Variants in SCP2 observed in about 807,000 individuals in gnomAD.
The protein encoded by SCP2 is sterol carrier protein 2.
SCP2 carries 48 observed loss-of-function variants against 71.4 expected under a neutral mutation model. That is an observed-to-expected ratio of 0.67 (90% confidence interval 0.53 to 0.86). SCP2 has a LOEUF of 0.86. Ranked by LOEUF, SCP2 falls within the 40% of genes least tolerant of loss-of-function variation. The pLI is 0.00. For synonymous variants in SCP2, 220 were observed against 218.1 expected (o/e 1.01, Z -0.08); for missense variants, 560 against 655.6 (o/e 0.85, Z 1.59).
intron 1 of SCP2, chr1:52,928,752 C>T (rs534225233): frequency 6.5e-6 from 1 of 154,322 alleles, no homozygotes; most frequent in Non-Finnish European, 1.5e-5. Flanking sequence ...CAGCCTGGGC[C>T]ATAGAGTCAG....
At chr1:53,017,263 G>A (rs1661399642) in intron 12 of SCP2, among the ~76,000 whole-genome samples, 1 of 152,030 alleles carries the variant, frequency 6.6e-6, no homozygotes, top group African/African-American at 2.4e-5. Context: ...ATTTCCACAA[G>A]TTTTGATAAA....
intron 14 of SCP2, among the ~76,000 whole-genome samples, chr1:53,046,046 C>T (rs1189299859): frequency 1.3e-5 from 2 of 152,174 alleles, no homozygotes; most frequent in Non-Finnish European, 2.9e-5. Flanking sequence ...AATGGTTACC[C>T]CTTCACCAGT....
chr1:53,016,724 G>A (rs938211860), intron 12 of SCP2, among the ~76,000 whole-genome samples: 2 of 152,150 alleles, frequency 1.3e-5, no homozygotes, highest in African/African-American at 4.8e-5. Context: ...GTGTGCCTGG[G>A]TAGAGGGACA....
chr1:53,048,220 A>G, intron 15 of SCP2: 1 of 395,892 alleles, frequency 2.5e-6, no homozygotes, highest in South Asian at 2.1e-5. Context: ...GCTTGTGGTC[A>G]GGGGAGGATG....
intron 6 of SCP2, among the ~76,000 whole-genome samples, chr1:52,973,342 C>T (rs1195199886): frequency 7.9e-6 from 1 of 126,342 alleles, no homozygotes; most frequent in Non-Finnish European, 1.7e-5. Context: ...ACAGAAGAAC[C>T]CTCTTTTTTT....
At position 52,974,749 on chromosome 1, in the gene SCP2, GATGTTTGCTTTCTTTACAGGAACAAAA is replaced by G; in HGVS notation, c.524-17_533del. On this transcript the variant is annotated splice_acceptor_variant and splice_polypyrimidine_tract_variant and coding_sequence_variant and intron_variant, in exon 7 of 16. Transcript: ENST00000371514. LOFTEE classifies it high-confidence loss of function. ...GCGGAAAAACATTCACCCACTGGTA[GATGTTTGCTTTCTTTACAGGAACAAAA>G]ATTGAACACTTTGCAAAAATTGGAT... 1 of 1,341,920 alleles carries G rather than the reference GATGTTTGCTTTCTTTACAGGAACAAAA, an allele frequency of 7.5e-7. No homozygotes were observed. Among genetic ancestry groups the G allele is most frequent in the Non-Finnish European group, 1.1e-6 (1 of 931,686 alleles). 83.1% of individuals were successfully genotyped at this position (1,341,920 alleles called of 1,614,324 possible).
intron 6 of SCP2, among the ~76,000 whole-genome samples, chr1:52,964,244 C>G (rs568134608): frequency 7.0e-6 from 1 of 142,878 alleles, no homozygotes; most frequent in African/African-American, 2.6e-5. Flanking sequence ...GACAGAGTCT[C>G]GCTCTGGAGT....
In SCP2 at chr1:53,043,215, T is replaced by C. The variant is rs144913295; in HGVS notation, c.1468+4169T>C. ...TCCCTGAGAGTCCAATGGTCTTATC[T>C]AAATATGATGAGAATAATTTCTATC... On this transcript the variant is annotated intron_variant, in intron 14 of 15. Coordinates refer to ENST00000371514, the MANE Select transcript of SCP2 (RefSeq NM_002979.5). Among the ~76,000 whole-genome samples, 107 of 152,318 alleles carry C rather than the reference T, an allele frequency of 7.0e-4. No homozygotes were observed. The East Asian group carries it at 9.3e-3, about 13-fold the overall frequency.
chr1:52,952,591 T>C (rs943330838), intron 4 of SCP2, among the ~76,000 whole-genome samples: 2 of 152,072 alleles, frequency 1.3e-5, no homozygotes, highest in Admixed American at 1.3e-4. Flanking sequence ...ATTGTTTCTA[T>C]TTTTTGGCTG....
chr1:53,032,289 C>T (rs1662606550), intron 13 of SCP2, among the ~76,000 whole-genome samples: 9 of 152,214 alleles, frequency 5.9e-5, no homozygotes. Flanking sequence ...GTACTACCCA[C>T]TAGCCATATG....
chr1:53,011,299 G>A (rs1018547057), intron 11 of SCP2, among the ~76,000 whole-genome samples: 4 of 152,154 alleles, frequency 2.6e-5, no homozygotes, highest in African/African-American at 9.7e-5. Flanking sequence ...GGAGAAGGAG[G>A]AAAAGACCTC....
intron 11 of SCP2, among the ~76,000 whole-genome samples, chr1:53,008,858 C>T (rs1393214060): frequency 6.6e-6 from 1 of 152,186 alleles, no homozygotes; most frequent in Non-Finnish European, 1.5e-5. Flanking sequence ...TTGCAGATGA[C>T]ATGATTGTAT....
chr1:52,977,825 T>C (rs1658116907), intron 8 of SCP2, among the ~76,000 whole-genome samples: 1 of 152,158 alleles, frequency 6.6e-6, no homozygotes, highest in South Asian at 2.1e-4. Context: ...CCAGGCGTGG[T>C]AGCGCATGCC....
intron 11 of SCP2, among the ~76,000 whole-genome samples, chr1:53,013,530 G>A (rs1661122948): frequency 1.3e-5 from 2 of 152,034 alleles, no homozygotes; most frequent in African/African-American, 4.8e-5. Flanking sequence ...GGGAGGTGGA[G>A]GTTGCAGTGA....
Position 53,014,838 on chromosome 1 carries a change from G to A in SCP2, c.1082-52G>A, listed in dbSNP as rs566853169. The A allele has an allele frequency of 3.7e-6, 6 of 1,602,938 alleles. No individual in the cohort carries two copies. The South Asian group carries it at 5.6e-5, about 15-fold the overall frequency. On this transcript the variant is annotated intron_variant, in intron 11 of 15. Transcript: ENST00000371514. ...TTAAAGTCACAAACATCCCTTTTCTGGCTTGAGAAAGCTGGTGGAAGCAGC... is the reference window on the plus strand; with the variant it reads ...TTAAAGTCACAAACATCCCTTTTCTAGCTTGAGAAAGCTGGTGGAAGCAGC...
intron 13 of SCP2, among the ~76,000 whole-genome samples, chr1:53,032,210 A>C (rs1662600037): frequency 6.6e-6 from 1 of 152,210 alleles, no homozygotes; most frequent in Non-Finnish European, 1.5e-5. Flanking sequence ...CTACAGTTTC[A>C]GTGTGGTATG....
At chr1:52,971,577 CA>C (rs1657497244) in intron 6 of SCP2, among the ~76,000 whole-genome samples, 1 of 152,070 alleles carries the variant, frequency 6.6e-6, no homozygotes, top group South Asian at 2.1e-4. Flanking sequence ...AATGAAGACT[CA>C]AAAAAATGGG....
chr1:53,002,380 T>C (rs951892707), intron 11 of SCP2, among the ~76,000 whole-genome samples: 4 of 152,214 alleles, frequency 2.6e-5, no homozygotes, highest in African/African-American at 9.7e-5. Flanking sequence ...AGGGAATACA[T>C]TTGTTTAATG....
chr1:52,978,171 G>C (rs756257264), intron 8 of SCP2, 46 bp from the exon 9 acceptor site: 2 of 1,591,236 alleles, frequency 1.3e-6, no homozygotes, highest in Middle Eastern at 2.2e-4. Context: ...GAAATCCTCC[G>C]ATCAGGTGCT....
Sources: allele counts gnomAD v4.1 joint callset (sites outside exome capture counted in the v4.1 genomes callset), GRCh38; gene constraint gnomAD v4.1.1; transcripts MANE v1.5; gene names NCBI Gene and HGNC (gene_info 2026-07-23, HGNC 2026-07-21).